The following RSPRY1 variants were observed in gnomAD, a reference collection of about 807,000 sequenced individuals.
RSPRY1 encodes ring finger and SPRY domain containing 1.
RSPRY1 carries 23 observed loss-of-function variants against 73.1 expected under a neutral mutation model. That is an observed-to-expected ratio of 0.31 (90% CI 0.23 to 0.45). The LOEUF (loss-of-function observed/expected upper bound fraction) is 0.45, where lower values mean the gene tolerates loss of function less well. Among genes scored for constraint, RSPRY1 ranks in the 20% least tolerant of loss-of-function variants. The pLI, the probability that RSPRY1 is intolerant of heterozygous loss-of-function variation, is 1.00. For synonymous variants in RSPRY1, 226 were observed against 251.4 expected, an observed-to-expected ratio of 0.90 and a Z score of 0.95; for missense variants, 448 against 698.7, an observed-to-expected ratio of 0.64 and a Z score of 4.05.
At chr16:57,196,726 ACTTTT>A (rs1409111814) in intron 1 of RSPRY1, among the ~76,000 whole-genome samples, 1 of 152,202 alleles carries the variant, frequency 6.6e-6, no homozygotes, top group Non-Finnish European at 1.5e-5. Flanking sequence ...TAAATTCTTT[ACTTTT>A]CTTAGTGCTT....
At chr16:57,205,070 CT>C in intron 2 of RSPRY1, 62 bp downstream of exon 2, 1 of 1,263,162 alleles carries the variant, frequency 7.9e-7, no homozygotes, top group Non-Finnish European at 1.1e-6. Context: ...GGAACCATGA[CT>C]TTAGGACTCC....
At chr16:57,235,342 A>G in intron 14 of RSPRY1, 114 bp downstream of exon 14, 1 of 712,844 alleles carries the variant, frequency 1.4e-6, no homozygotes, top group Non-Finnish European at 2.4e-6. Flanking sequence ...CTAGAGTTTA[A>G]GTAGAACCTG....
Position 57,190,161 on chromosome 16 carries a change from A to AGAAC in RSPRY1, c.-156+3711_-156+3712insAACG, listed in dbSNP as rs527374457. Reference sequence around the variant, plus strand: ...GGCGGGAGGATCACTTGAGCCCAGGAGTTCAAGACCAGCCTGGGCAACATG... The same window carrying AGAAC: ...GGCGGGAGGATCACTTGAGCCCAGGAGAACGTTCAAGACCAGCCTGGGCAACATG... On this transcript the variant is annotated intron_variant, in intron 1 of 14. Transcript: ENST00000394420. 2.9e-3 allele frequency among the ~76,000 whole-genome samples: 439 copies of AGAAC among 152,188 alleles called. 3 individuals are homozygous for AGAAC. The highest frequency in any genetic ancestry group is 0.01 in the African/African-American group (417 of 41,542).
chr16:57,224,468 T>A (rs1158196307), intron 10 of RSPRY1: 2 of 152,246 alleles, frequency 1.3e-5, no homozygotes, highest in Non-Finnish European at 2.9e-5. Flanking sequence ...AACTTTCTTT[T>A]GTTTGTATTT....
intron 1 of RSPRY1, among the ~76,000 whole-genome samples, chr16:57,194,216 A>C (rs576813354): frequency 1.3e-5 from 2 of 152,360 alleles, no homozygotes; most frequent in South Asian, 2.1e-4. Flanking sequence ...TGTAAAAAAA[A>C]CTGAATGGAT....
At position 57,200,952 on chromosome 16, in the gene RSPRY1, G is replaced by A. The variant is rs1370674427; in HGVS notation, c.-155-3552G>A. 8.2e-5 allele frequency among the ~76,000 whole-genome samples: 10 copies of A among 122,468 alleles called. 1 individual carries two copies. The East Asian group carries it at 2.7e-3, about 33-fold the overall frequency. The allele number at this position is 122,468 out of a possible 152,430, so 80.3% of individuals were successfully genotyped here. A position where few individuals can be genotyped will look rare whatever the true frequency, so the allele number is the denominator to read the frequency against. ...TCCCAGACGGGGCGGCTGGCCGGGG[G>A]GGGGGGGGGCTGACCCCCCCACCTC... On this transcript the variant is annotated intron_variant, in intron 1 of 14. Coordinates refer to ENST00000394420, the MANE Select transcript of RSPRY1 (RefSeq NM_133368.3).
chr16:57,208,911 C>A (rs1411801112), intron 3 of RSPRY1, among the ~76,000 whole-genome samples, 164 bp from the exon 4 acceptor site: 1 of 152,128 alleles, frequency 6.6e-6, no homozygotes, highest in Non-Finnish European at 1.5e-5. Context: ...GTTTTTACTC[C>A]ACCACGATGA....
At chr16:57,219,570 C>T (rs1450173835) in intron 8 of RSPRY1, 7 of 152,156 alleles carry the variant, frequency 4.6e-5, no homozygotes, top group African/African-American at 1.2e-4. Flanking sequence ...AATCCTTTGT[C>T]GAATGGATAG....
intron 1 of RSPRY1, among the ~76,000 whole-genome samples, chr16:57,194,300 G>T (rs2074401259): frequency 6.6e-6 from 1 of 152,098 alleles, no homozygotes; most frequent in Non-Finnish European, 1.5e-5. Flanking sequence ...AGGTGGTGGG[G>T]ATAAAGCAAG....
intron 4 of RSPRY1, 111 bp downstream of exon 4, chr16:57,209,298 G>T: frequency 1.5e-6 from 1 of 676,692 alleles, no homozygotes; most frequent in Admixed American, 2.6e-5. Flanking sequence ...TTTGGGGTCT[G>T]TTTTATTCAG....
chr16:57,220,515 G>A (rs1319098274), intron 8 of RSPRY1: 2 of 306,536 alleles, frequency 6.5e-6, no homozygotes, highest in Non-Finnish European at 1.2e-5. Context: ...CAACTTTACT[G>A]AATTTGCTTT....
chr16:57,204,591 C>A lies in RSPRY1; in HGVS notation c.-68C>A. 7.0e-7 allele frequency: 1 copy of A among 1,433,974 alleles called. No homozygotes were observed. Among genetic ancestry groups the A allele is most frequent in the African/African-American group, 1.4e-5 (1 of 71,050 alleles). The allele number at this position is 1,433,974 out of a possible 1,614,324, so 88.8% of individuals were successfully genotyped here. On this transcript the variant is annotated 5_prime_UTR_variant, in exon 2 of 15. Coordinates refer to ENST00000394420, the MANE Select transcript of RSPRY1 (RefSeq NM_133368.3). Reference sequence around the variant, plus strand: ...TTCTTTGGCATTCAGTTGTTAAAAACAAATAGGATGCAAATTCCTCAACTC... The same window carrying A: ...TTCTTTGGCATTCAGTTGTTAAAAAAAAATAGGATGCAAATTCCTCAACTC...
At chr16:57,219,300 C>G (rs2074996929) in intron 8 of RSPRY1, among the ~76,000 whole-genome samples, 1 of 152,212 alleles carries the variant, frequency 6.6e-6, no homozygotes, top group South Asian at 2.1e-4. Context: ...GTTACCTTTT[C>G]TCCATATCCT....
intron 4 of RSPRY1, among the ~76,000 whole-genome samples, chr16:57,212,314 G>A (rs1819343705): frequency 6.6e-6 from 1 of 152,130 alleles, no homozygotes; most frequent in Non-Finnish European, 1.5e-5. Context: ...AAAAAGAAAA[G>A]AAGAAAACTC....
chr16:57,236,349 G>T (rs1350935261), intron 14 of RSPRY1, among the ~76,000 whole-genome samples: 3 of 152,148 alleles, frequency 2.0e-5, no homozygotes, highest in Admixed American at 2.0e-4. Flanking sequence ...TCTTAAGTAT[G>T]ATCATAGTCT....
intron 1 of RSPRY1, among the ~76,000 whole-genome samples, chr16:57,188,301 G>GT (rs2074287731): frequency 1.3e-5 from 2 of 151,900 alleles, no homozygotes; most frequent in South Asian, 4.2e-4. Context: ...TTGGTTCGTC[G>GT]TACTTGTTAG....
chr16:57,203,863 T>C (rs1421653318), intron 1 of RSPRY1, among the ~76,000 whole-genome samples: 5 of 152,238 alleles, frequency 3.3e-5, no homozygotes, highest in Non-Finnish European at 7.3e-5. Flanking sequence ...TCAGTTTTCC[T>C]TTCCCAAAAC....
intron 2 of RSPRY1, among the ~76,000 whole-genome samples, chr16:57,206,930 C>T (rs1375406692): frequency 6.6e-6 from 1 of 152,178 alleles, no homozygotes; most frequent in African/African-American, 2.4e-5. Flanking sequence ...CTTTTCTCAA[C>T]ATCGAAATCT....
intron 11 of RSPRY1, among the ~76,000 whole-genome samples, chr16:57,228,779 A>T (rs2075161519): frequency 6.6e-6 from 1 of 151,982 alleles, no homozygotes; most frequent in Admixed American, 6.6e-5. Context: ...TACAGCCTTG[A>T]CCTCCCAGGC....
Sources: allele counts gnomAD v4.1 joint callset (sites outside exome capture counted in the v4.1 genomes callset), GRCh38; gene constraint gnomAD v4.1.1; transcripts MANE v1.5; gene names NCBI Gene and HGNC (gene_info 2026-07-23, HGNC 2026-07-21).